Variants in SPAG16 observed in about 807,000 individuals in gnomAD.
SPAG16 encodes sperm-associated antigen 16 protein.
SPAG16 carries 86 observed loss-of-function variants against 80.4 expected under a neutral mutation model. The observed-to-expected ratio is 1.07, with a 90% CI of 0.90 to 1.28. The LOEUF (loss-of-function observed/expected upper bound fraction) is 1.28, where lower values mean the gene tolerates loss of function less well. Ranked by LOEUF, SPAG16 falls within the 50% of genes most tolerant of loss-of-function variation. The probability of loss-of-function intolerance (pLI) is 0.00; values close to 1 mark genes in which losing one functional copy is unlikely to be tolerated. For missense variants in SPAG16, 870 were observed against 765.3 expected, an observed-to-expected ratio of 1.14 and a Z score of -1.61; for synonymous variants, 294 against 265.9, an observed-to-expected ratio of 1.11 and a Z score of -1.03.
chr2:214,281,996 A>T (rs904510016), intron 15 of SPAG16, among the ~76,000 whole-genome samples: 4 of 152,192 alleles, frequency 2.6e-5, no homozygotes, highest in African/African-American at 9.7e-5. Flanking sequence ...GGCTTCCTGT[A>T]GAGAGGATTG....
intron 13 of SPAG16, among the ~76,000 whole-genome samples, chr2:214,067,725 T>C (rs913132291): frequency 3.3e-5 from 5 of 152,122 alleles, no homozygotes; most frequent in Non-Finnish European, 7.4e-5. Flanking sequence ...CTTTTCAAGA[T>C]GGTCCTTGCC....
chr2:213,429,872 G>A (rs910142645), intron 9 of SPAG16, among the ~76,000 whole-genome samples: 2 of 152,008 alleles, frequency 1.3e-5, no homozygotes, highest in Middle Eastern at 3.4e-3. Flanking sequence ...TCAAAAATAA[G>A]AAGTGACTGT....
At chr2:213,635,699 GA>G (rs879867571) in intron 10 of SPAG16, among the ~76,000 whole-genome samples, 1 of 152,024 alleles carries the variant, frequency 6.6e-6, no homozygotes, top group South Asian at 2.1e-4. Context: ...TTGTGATTAT[GA>G]AAAAAATTAG....
At chr2:213,991,975 G>A (rs1272952735) in intron 12 of SPAG16, among the ~76,000 whole-genome samples, 1 of 152,004 alleles carries the variant, frequency 6.6e-6, no homozygotes, top group African/African-American at 2.4e-5. Context: ...GAGTAGGGCA[G>A]TCCTGCATAA....
rs1689993700 is a variant in SPAG16 at position 214,248,284 on chromosome 2, C to CTT, written c.1720+99019_1720+99020dup. Among the ~76,000 whole-genome samples, 7 of 134,128 alleles carry CTT rather than the reference C, an allele frequency of 5.2e-5. 1 individual carries two copies. The highest frequency in any genetic ancestry group is 4.8e-4 in the South Asian group (2 of 4,184). 88.0% of individuals were successfully genotyped at this position (134,128 alleles called of 152,430 possible). A position where few individuals can be genotyped will look rare whatever the true frequency, so the allele number is the denominator to read the frequency against. ...TACCTGCTATGTGCTGGGTACTATT[C>CTT]TTATATTATTATTATTATTATTATT... On this transcript the variant is annotated intron_variant, in intron 15 of 15. Transcript: ENST00000331683.
chr2:213,355,178 G>A lies in SPAG16; in HGVS notation c.762+4533G>A, dbSNP rs2125070210. ...TGTCAAAGATCAGATGGTTGTAGAT[G>A]TGTGGTGTTATTTCTGAGGCCTCTG... On this transcript the variant is annotated intron_variant, in intron 7 of 15. Transcript: ENST00000331683. Among the ~76,000 whole-genome samples the A allele has an allele frequency of 1.3e-5, 2 of 152,252 alleles. 1 individual carries two copies. The highest frequency in any genetic ancestry group is 2.9e-5 in the Non-Finnish European group (2 of 68,012).
intron 12 of SPAG16, among the ~76,000 whole-genome samples, chr2:213,937,462 T>G: frequency 6.6e-6 from 1 of 152,002 alleles, no homozygotes; most frequent in East Asian, 1.9e-4. Flanking sequence ...AATTGACCTC[T>G]TGTGATCAAT....
chr2:214,226,007 C>T (rs1251107815), intron 15 of SPAG16, among the ~76,000 whole-genome samples: 1 of 152,028 alleles, frequency 6.6e-6, no homozygotes, highest in Non-Finnish European at 1.5e-5. Flanking sequence ...GGTAGAAAGC[C>T]AACAGTGGGA....
chr2:213,702,952 C>G (rs555433468), intron 10 of SPAG16, among the ~76,000 whole-genome samples: 1 of 152,184 alleles, frequency 6.6e-6, no homozygotes, highest in Admixed American at 6.5e-5. Flanking sequence ...TCCACGCGCT[C>G]TACCCTTCTA....
intron 10 of SPAG16, among the ~76,000 whole-genome samples, chr2:213,606,961 T>C (rs1013826724): frequency 2.0e-5 from 3 of 152,176 alleles, no homozygotes; most frequent in African/African-American, 7.2e-5. Context: ...AGGCAAAATA[T>C]TATCATGGAA....
At chr2:213,337,166 G>A (rs1331532179) in intron 5 of SPAG16, among the ~76,000 whole-genome samples, 5 of 152,034 alleles carry the variant, frequency 3.3e-5, no homozygotes, top group African/African-American at 1.2e-4. Flanking sequence ...AAGAAAAACA[G>A]AAAACAACAA....
At chr2:213,803,061 G>T (rs1447279873) in intron 10 of SPAG16, among the ~76,000 whole-genome samples, 2 of 152,012 alleles carry the variant, frequency 1.3e-5, no homozygotes, top group African/African-American at 4.8e-5. Flanking sequence ...CTATGAAGTA[G>T]ATATATCTTT....
chr2:214,144,312 C>T (rs1156264804), intron 14 of SPAG16, among the ~76,000 whole-genome samples: 1 of 132,452 alleles, frequency 7.5e-6, no homozygotes, highest in Non-Finnish European at 1.8e-5. Context: ...TATAAAAATA[C>T]ACAAAAGCTT....
At chr2:213,292,670 A>AAAAC (rs2062331635) in intron 1 of SPAG16, among the ~76,000 whole-genome samples, 2 of 133,288 alleles carry the variant, frequency 1.5e-5, no homozygotes, top group Non-Finnish European at 3.4e-5. Flanking sequence ...TCTCAAAAAA[A>AAAAC]AAAAACAAAA....
chr2:213,934,432 C>G (rs1269269623), intron 12 of SPAG16, among the ~76,000 whole-genome samples: 1 of 152,196 alleles, frequency 6.6e-6, no homozygotes, highest in Non-Finnish European at 1.5e-5. Context: ...AGATCATGAA[C>G]TGTGAGACAT....
intron 15 of SPAG16, among the ~76,000 whole-genome samples, chr2:214,366,963 A>G (rs1315498222): frequency 6.6e-6 from 1 of 152,162 alleles, no homozygotes; most frequent in Non-Finnish European, 1.5e-5. Context: ...TCTGAAGCCC[A>G]ATTACACAGA....
intron 15 of SPAG16, among the ~76,000 whole-genome samples, chr2:214,220,748 G>A (rs1225113354): frequency 6.6e-6 from 1 of 152,098 alleles, no homozygotes; most frequent in Non-Finnish European, 1.5e-5. Context: ...GGGATCAATG[G>A]ATTAATCTTG....
intron 14 of SPAG16, among the ~76,000 whole-genome samples, 178 bp downstream of exon 14, chr2:214,108,439 T>TCACACA (rs71037342): frequency 0.073 from 9,129 of 124,836 alleles, 353 homozygotes; most frequent in Middle Eastern, 0.08. Context: ...ATTTTAAAAT[T>TCACACA]CACACACACA....
intron 10 of SPAG16, among the ~76,000 whole-genome samples, chr2:213,594,375 C>G (rs1371539901): frequency 2.0e-5 from 3 of 152,126 alleles, no homozygotes; most frequent in Non-Finnish European, 4.4e-5. Flanking sequence ...TAGATAAGGT[C>G]CTCTGTGACG....
Sources: allele counts gnomAD v4.1 joint callset (sites outside exome capture counted in the v4.1 genomes callset), GRCh38; gene constraint gnomAD v4.1.1; transcripts MANE v1.5; gene names NCBI Gene and HGNC (gene_info 2026-07-23, HGNC 2026-07-21).